Variants in CCND2 observed in about 807,000 individuals in gnomAD.
CCND2 encodes the protein G1/S-specific cyclin-D2.
Under a neutral mutation model 30.2 loss-of-function variants are expected in CCND2, and 6 were observed. The observed-to-expected ratio is 0.20, with a 90% confidence interval of 0.11 to 0.39. The LOEUF (loss-of-function observed/expected upper bound fraction) is 0.39, where lower values mean the gene tolerates loss of function less well. CCND2 is among the 10% of genes least tolerant of loss of function. CCND2 has a pLI of 1.00. For synonymous variants in CCND2, 150 were observed against 153.1 expected (o/e 0.98, Z 0.15); for missense variants, 235 against 373.4 (o/e 0.63, Z 3.06).
chr12:4,276,890 C>G lies in CCND2; in HGVS notation c.411+670C>G, dbSNP rs991732055. Among the ~76,000 whole-genome samples, 4 of 152,242 alleles carry G rather than the reference C, an allele frequency of 2.6e-5. No homozygotes were observed. The highest frequency in any genetic ancestry group is 2.6e-4 in the Admixed American group (4 of 15,288). On this transcript the variant is annotated intron_variant, in intron 2 of 4. Transcript: ENST00000261254. The surrounding 1 kb of genome is among the most constrained non-coding windows in gnomAD (Gnocchi z 4.8). ...CTGATCTAACTCCTTTTCCCTGCAG[C>G]TTGACATATAAGACGACCATATTGC...
At position 4,304,446 on chromosome 12, in the gene CCND2, A is replaced by G; in HGVS notation, c.*4437A>G. 1 of 233,724 alleles carries G rather than the reference A, an allele frequency of 4.3e-6. No individual in the cohort carries two copies. Among genetic ancestry groups the G allele is most frequent in the African/African-American group, 2.2e-5 (1 of 45,486 alleles). 14.5% of individuals were successfully genotyped at this position (233,724 alleles called of 1,614,324 possible). ...TGGTGTGGACTCAGAGCAATTTACA[A>G]GAGCTGTTCATGCAGCCATCCATTT... On this transcript the variant is annotated 3_prime_UTR_variant, in exon 5 of 5. Coordinates refer to ENST00000261254, the MANE Select transcript of CCND2 (RefSeq NM_001759.4). This position sits in a 1 kb window ranked among gnomAD's most constrained non-coding sequence, Gnocchi z 6.2.
rs1447976190 is a variant in CCND2, at chr12:4,303,833, G to A, written c.*3824G>A. ...AGAGCACAGCATGCCTTACTACTGG[G>A]TCATCCTTGGTCTATGTGCTCTGTA... On this transcript the variant is annotated 3_prime_UTR_variant, in exon 5 of 5. Coordinates refer to ENST00000261254, the MANE Select transcript of CCND2 (RefSeq NM_001759.4). This position sits in a 1 kb window ranked among gnomAD's most constrained non-coding sequence, Gnocchi z 4.6. The A allele has an allele frequency of 4.3e-6, 1 of 233,124 alleles. No individual in the cohort carries two copies. Among genetic ancestry groups the A allele is most frequent in the Non-Finnish European group, 8.5e-6 (1 of 118,056 alleles). The allele number at this position is 233,124 out of a possible 1,614,324, so 14.4% of individuals were successfully genotyped here. A position where few individuals can be genotyped will look rare whatever the true frequency, so the allele number is the denominator to read the frequency against.
rs1016654362 is a variant in CCND2 at position 4,275,889 on chromosome 12, CA to C, written c.196-107del. The C allele has an allele frequency of 7.0e-4, 450 of 646,968 alleles. 1 individual carries two copies. Among genetic ancestry groups the C allele is most frequent in the South Asian group, 1.5e-3 (65 of 44,560 alleles). 40.1% of individuals were successfully genotyped at this position (646,968 alleles called of 1,614,324 possible). A position where few individuals can be genotyped will look rare whatever the true frequency, so the allele number is the denominator to read the frequency against. ...GCATTCTGGTCCCCTCCCCCTCCCA[CA>C]AAAAAAAATTAATTTTTTTTGTTTC... On this transcript the variant is annotated intron_variant, in intron 1 of 4. Transcript: ENST00000261254.
intron 4 of CCND2, chr12:4,298,034 T>C (rs1864198551): frequency 4.2e-6 from 1 of 239,618 alleles, no homozygotes; most frequent in Admixed American, 4.6e-5. Flanking sequence ...CTGAATTCTT[T>C]AGGTTCCAGG....
chr12:4,278,977 G>C, intron 3 of CCND2, 58 bp downstream of exon 3: 1 of 1,545,730 alleles, frequency 6.5e-7, no homozygotes, highest in Non-Finnish European at 8.8e-7. Context: ...GAGATGTCCG[G>C]GGAGAGGCAA....
chr12:4,299,886 G>T lies in CCND2; in HGVS notation c.747G>T (p.Gln249His), dbSNP rs149961693. The change falls in exon 5 of 5, where the codon CAG becomes CAT. Residue 249 changes from glutamine (Q) to histidine (H), a missense_variant. Physicochemically the swap from Gln to His is conservative, Grantham distance 24. This residue lies in a region of CCND2 where 178 missense variants were observed against 322.8 expected (regional missense o/e 0.55). Transcript: ENST00000261254. This position sits in a 1 kb window ranked among gnomAD's most constrained non-coding sequence, Gnocchi z 5.2. Reference protein sequence around the residue: ...DVDCLKACQEQIEAVLLNSLQ... With the variant: ...DVDCLKACQEHIEAVLLNSLQ... ...ATTGTCTCAAAGCTTGCCAGGAGCA[G>T]ATTGAGGCGGTGCTCCTCAATAGCC... 20 of 1,614,116 alleles carry T rather than the reference G, an allele frequency of 1.2e-5. No homozygotes were observed. The highest frequency in any genetic ancestry group is 1.6e-4 in the Middle Eastern group (1 of 6,062).
Position 4,285,639 on chromosome 12 carries a change from T to C in CCND2, c.572-3203T>C, listed in dbSNP as rs1864013033. On this transcript the variant is annotated intron_variant, in intron 3 of 4. Coordinates refer to ENST00000261254, the MANE Select transcript of CCND2 (RefSeq NM_001759.4). This position sits in a 1 kb window ranked among gnomAD's most constrained non-coding sequence, Gnocchi z 4.1. Reference sequence around the variant, plus strand: ...TTTCCGCTTCCTTCTTCTGAGTGGATATTGTGACCATTTCTCCATCCTGTC... The same window carrying C: ...TTTCCGCTTCCTTCTTCTGAGTGGACATTGTGACCATTTCTCCATCCTGTC... 6.6e-6 allele frequency among the ~76,000 whole-genome samples: 1 copy of C among 152,178 alleles called. No homozygotes were observed. Among genetic ancestry groups the C allele is most frequent in the Non-Finnish European group, 1.5e-5 (1 of 68,038 alleles).
intron 3 of CCND2, among the ~76,000 whole-genome samples, chr12:4,284,858 C>G (rs780992703): frequency 1.1e-4 from 17 of 151,622 alleles, no homozygotes; most frequent in Non-Finnish European, 2.4e-4. Flanking sequence ...GCCCAAGCCT[C>G]CAGAATAGCT....
rs1030371598 is a variant in CCND2, at chr12:4,284,852, A to G, written c.572-3990A>G. ...CCGGGTTCAAGTGATTCTCTTGCCC[A>G]AGCCTCCAGAATAGCTGGGATTACA... On this transcript the variant is annotated intron_variant, in intron 3 of 4. Coordinates refer to ENST00000261254, the MANE Select transcript of CCND2 (RefSeq NM_001759.4). 4.7e-5 allele frequency among the ~76,000 whole-genome samples: 7 copies of G among 149,828 alleles called. No homozygotes were observed. The Admixed American group carries it at 4.7e-4, about 10-fold the overall frequency.
chr12:4,284,835 A>T (rs1864000998), intron 3 of CCND2, among the ~76,000 whole-genome samples: 1 of 149,826 alleles, frequency 6.7e-6, no homozygotes, highest in African/African-American at 2.5e-5. Context: ...TCCCGGGTTC[A>T]AGTGATTCTC....
At chr12:4,280,689 G>T (rs1385724273) in intron 3 of CCND2, among the ~76,000 whole-genome samples, 1 of 151,894 alleles carries the variant, frequency 6.6e-6, no homozygotes, top group Non-Finnish European at 1.5e-5. Context: ...ATTCACTGTG[G>T]GGGAGGGGTC....
At chr12:4,295,309 C>A (rs1261133346) in intron 4 of CCND2, among the ~76,000 whole-genome samples, 2 of 152,124 alleles carry the variant, frequency 1.3e-5, no homozygotes, top group Non-Finnish European at 2.9e-5. Flanking sequence ...TGTCAAGTTT[C>A]GTGGAAGTGG....
chr12:4,289,815 C>T lies in CCND2; in HGVS notation c.720+825C>T, dbSNP rs575361641. Reference sequence around the variant, plus strand: ...CGGGCAGGACAGGGACTGAAGTAACCAGCCAGGAGCGGGGTGGGCAGTGGC... The same window carrying T: ...CGGGCAGGACAGGGACTGAAGTAACTAGCCAGGAGCGGGGTGGGCAGTGGC... On this transcript the variant is annotated intron_variant, in intron 4 of 4. Transcript: ENST00000261254. 9.2e-5 allele frequency among the ~76,000 whole-genome samples: 14 copies of T among 152,292 alleles called. No homozygotes were observed. The South Asian group carries it at 2.9e-3, about 32-fold the overall frequency.
Position 4,299,854 on chromosome 12 carries a change from T to C in CCND2, c.721-6T>C. 6.2e-7 allele frequency: 1 copy of C among 1,613,910 alleles called. No homozygotes were observed. Among genetic ancestry groups the C allele is most frequent in the Middle Eastern group, 1.7e-4 (1 of 6,058 alleles). On this transcript the variant is annotated splice_polypyrimidine_tract_variant and splice_region_variant and intron_variant, in intron 4 of 4. Transcript: ENST00000261254. The surrounding 1 kb of genome is among the most constrained non-coding windows in gnomAD (Gnocchi z 5.2). ...CTAACAACTCTGGTCTGGACCATTGTTCTAGGATTGTCTCAAAGCTTGCCA... is the reference window on the plus strand; with the variant it reads ...CTAACAACTCTGGTCTGGACCATTGCTCTAGGATTGTCTCAAAGCTTGCCA...
At chr12:4,291,636 A>G (rs1186857465) in intron 4 of CCND2, among the ~76,000 whole-genome samples, 1 of 152,230 alleles carries the variant, frequency 6.6e-6, no homozygotes, top group African/African-American at 2.4e-5. Flanking sequence ...GCAGTAGGAA[A>G]TCAACCCAAA....
At chr12:4,288,363 T>G (rs1864052006) in intron 3 of CCND2, among the ~76,000 whole-genome samples, 1 of 151,964 alleles carries the variant, frequency 6.6e-6, no homozygotes, top group Non-Finnish European at 1.5e-5. Flanking sequence ...CCTTGTACTT[T>G]CCCTCCTTCT....
At chr12:4,278,240 A>G (rs1283756593) in intron 2 of CCND2, among the ~76,000 whole-genome samples, 1 of 152,246 alleles carries the variant, frequency 6.6e-6, no homozygotes, top group Non-Finnish European at 1.5e-5. Context: ...TTTGGCACTA[A>G]GTAAAAGCAA....
chr12:4,303,721 C>A lies in CCND2; in HGVS notation c.*3712C>A, dbSNP rs1169038174. 4.3e-6 allele frequency: 1 copy of A among 233,538 alleles called. No individual in the cohort carries two copies. Among genetic ancestry groups the A allele is most frequent in the Non-Finnish European group, 8.5e-6 (1 of 118,100 alleles). 14.5% of individuals were successfully genotyped at this position (233,538 alleles called of 1,614,324 possible). A position where few individuals can be genotyped will look rare whatever the true frequency, so the allele number is the denominator to read the frequency against. ...CAAGGGCAGTTCCCTCCGCAGAACA[C>A]CCCATGCGTGCTGAGAGGCGAGCTC... On this transcript the variant is annotated 3_prime_UTR_variant, in exon 5 of 5. Coordinates refer to ENST00000261254, the MANE Select transcript of CCND2 (RefSeq NM_001759.4). This position sits in a 1 kb window ranked among gnomAD's most constrained non-coding sequence, Gnocchi z 4.6.
At position 4,278,888 on chromosome 12, in the gene CCND2, T is replaced by C. The variant is rs747102399; in HGVS notation, c.540T>C (p.His180=). The C allele has an allele frequency of 6.2e-7, 1 of 1,613,966 alleles. No homozygotes were observed. Among genetic ancestry groups the C allele is most frequent in the Non-Finnish European group, 8.5e-7 (1 of 1,179,958 alleles). ...AGAAGCTGTCTCTGATCCGCAAGCATGCTCAGACCTTCATTGCTCTGTGTG... is the reference window on the plus strand; with the variant it reads ...AGAAGCTGTCTCTGATCCGCAAGCACGCTCAGACCTTCATTGCTCTGTGTG... ...QREKLSLIRK[H]AQTFIALCAT... The change falls in exon 3 of 5, where the codon CAT becomes CAC. Residue 180 remains histidine (H), a synonymous_variant. Transcript: ENST00000261254.
Sources: allele counts gnomAD v4.1 joint callset (sites outside exome capture counted in the v4.1 genomes callset), GRCh38; gene constraint gnomAD v4.1.1; regional missense constraint gnomAD v4.1.1; non-coding constraint Gnocchi (gnomAD v3.1); transcripts MANE v1.5; gene names NCBI Gene and HGNC (gene_info 2026-07-23, HGNC 2026-07-21).